ME3: variants seen among roughly 807,000 people sequenced by gnomAD.
ME3 encodes NADP-dependent malic enzyme, mitochondrial.
ME3 carries 48 observed loss-of-function variants against 68.9 expected under a neutral mutation model. The observed-to-expected ratio is 0.70, with a 90% CI of 0.55 to 0.89. The LOEUF (loss-of-function observed/expected upper bound fraction) is 0.89. ME3 is among the 40% of genes least tolerant of loss of function. The pLI, the probability that ME3 is intolerant of heterozygous loss-of-function variation, is 0.00. For missense variants in ME3, 675 were observed against 797.4 expected (o/e 0.85, Z 1.85); for synonymous variants, 320 against 318.8 (o/e 1.00, Z -0.04).
At chr11:86,457,896 T>A in intron 8 of ME3, 1 of 981,448 alleles carries the variant, frequency 1.0e-6, no homozygotes, top group Non-Finnish European at 1.3e-6. Flanking sequence ...TAGTTTCTGC[T>A]TTTAATAGTC....
chr11:86,537,505 G>T (rs1955757513), intron 4 of ME3, among the ~76,000 whole-genome samples: 1 of 152,080 alleles, frequency 6.6e-6, no homozygotes, highest in East Asian at 1.9e-4. Context: ...CCCTGCCCGT[G>T]GGGCAGGGAG....
At chr11:86,455,956 C>T (rs1949894736) in intron 8 of ME3, among the ~76,000 whole-genome samples, 1 of 152,212 alleles carries the variant, frequency 6.6e-6, no homozygotes, top group African/African-American at 2.4e-5. Flanking sequence ...CCCAAATCCC[C>T]TTTGTCCTTA....
In ME3 at chr11:86,447,222, C is replaced by T. The variant is rs1423501791; in HGVS notation, c.1238-15G>A. 6.2e-6 allele frequency: 10 copies of T among 1,612,550 alleles called. No homozygotes were observed. The highest frequency in any genetic ancestry group is 5.0e-5 in the Admixed American group (3 of 59,878). ...GGCAGCAACACCTACAGGGAAAAGG[C>T]GGGTAGTGGGGATGCCTGCTCTCTA... On this transcript the variant is annotated splice_polypyrimidine_tract_variant and intron_variant, in intron 11 of 14. Coordinates refer to ENST00000543262, the Ensembl canonical transcript of ME3.
chr11:86,581,025 G>A (rs1253647443), intron 2 of ME3, among the ~76,000 whole-genome samples: 2 of 152,132 alleles, frequency 1.3e-5, no homozygotes, highest in East Asian at 1.9e-4. Flanking sequence ...GAATGACAAA[G>A]TCTGGGAATT....
At chr11:86,554,431 G>A (rs1384237359) in intron 4 of ME3, among the ~76,000 whole-genome samples, 4 of 152,180 alleles carry the variant, frequency 2.6e-5, no homozygotes, top group Non-Finnish European at 4.4e-5. Context: ...GAAGTTAAAA[G>A]TGTTAGTTTG....
chr11:86,493,105 G>T (rs1343826774), intron 6 of ME3, among the ~76,000 whole-genome samples: 3 of 152,160 alleles, frequency 2.0e-5, no homozygotes, highest in Non-Finnish European at 4.4e-5. Context: ...GGCACCACAT[G>T]GTGAATGCTG....
chr11:86,555,339 CAT>C (rs1197667468), intron 4 of ME3, among the ~76,000 whole-genome samples: 1 of 152,136 alleles, frequency 6.6e-6, no homozygotes, highest in Non-Finnish European at 1.5e-5. Flanking sequence ...AGGGGAAGTA[CAT>C]AGAGTCCTGC....
At chr11:86,567,579 C>A (rs76853519) in intron 2 of ME3, among the ~76,000 whole-genome samples, 9,243 of 152,274 alleles carry the variant, frequency 0.061, 436 homozygotes, top group African/African-American at 0.13. Context: ...TGTGGCTTTT[C>A]AGAACAGTCC....
chr11:86,468,667 T>TA (rs1422185069), intron 7 of ME3, among the ~76,000 whole-genome samples: 2 of 152,158 alleles, frequency 1.3e-5, no homozygotes, highest in Admixed American at 6.5e-5. Context: ...GCTTAGTGGA[T>TA]AAAAAAATGT....
intron 2 of ME3, among the ~76,000 whole-genome samples, chr11:86,560,525 C>T (rs1013727571): frequency 6.6e-6 from 1 of 151,744 alleles, no homozygotes; most frequent in African/African-American, 2.4e-5. Flanking sequence ...AGTAGAGTTC[C>T]CATATACCCC....
chr11:86,561,408 C>T (rs1371573231), intron 2 of ME3, among the ~76,000 whole-genome samples: 2 of 152,112 alleles, frequency 1.3e-5, no homozygotes, highest in Non-Finnish European at 2.9e-5. Flanking sequence ...TATTTCTAGT[C>T]CCTGTCAGTT....
intron 5 of ME3, among the ~76,000 whole-genome samples, chr11:86,501,174 A>ATAT (rs1387263801): frequency 4.4e-5 from 1 of 22,504 alleles, no homozygotes; most frequent in African/African-American, 1.3e-4. Flanking sequence ...CATAAAATGC[A>ATAT]TATAATAATA....
intron 4 of ME3, among the ~76,000 whole-genome samples, chr11:86,517,816 C>A (rs1441012339): frequency 1.3e-5 from 2 of 152,248 alleles, no homozygotes; most frequent in East Asian, 3.9e-4. Flanking sequence ...GCACCAGGCA[C>A]ATGGCAGGTA....
chr11:86,458,821 G>T (rs1255685394), intron 8 of ME3, among the ~76,000 whole-genome samples: 4 of 152,150 alleles, frequency 2.6e-5, no homozygotes, highest in Non-Finnish European at 5.9e-5. Flanking sequence ...CAAACGAGCT[G>T]CACGGTCTTC....
intron 3 of ME3, among the ~76,000 whole-genome samples, chr11:86,557,981 T>C (rs1438005721): frequency 3.3e-5 from 5 of 152,076 alleles, no homozygotes; most frequent in Non-Finnish European, 7.4e-5. Flanking sequence ...TTTCTTAGCG[T>C]GTCCCCAAGC....
chr11:86,539,468 A>G (rs182117237), intron 4 of ME3, among the ~76,000 whole-genome samples: 1 of 152,328 alleles, frequency 6.6e-6, no homozygotes, highest in African/African-American at 2.4e-5. Flanking sequence ...TAAACTCCTC[A>G]AAAACAGAGA....
At position 86,449,963 on chromosome 11, in the gene ME3, C is replaced by G. The variant is rs201690381; in HGVS notation, c.1057G>C (p.Glu353Gln). The G allele has an allele frequency of 3.2e-5, 52 of 1,614,112 alleles. No individual in the cohort carries two copies. The South Asian group carries it at 4.0e-4, about 12-fold the overall frequency. The stretch of plus-strand genomic sequence containing the variant: ...TCTGCCTTCGGTACACCTTCTTTCT[C>G]TAGGGCCATGACAAGGAGGTGGGCA... Residue 353 changes from glutamate (E) to glutamine (Q), a missense_variant, in exon 10 of 15, where the codon GAG (glutamate) becomes CAG (glutamine). Physicochemically the swap from Glu to Gln is conservative, Grantham distance 29. Transcript: ENST00000543262.
intron 2 of ME3, among the ~76,000 whole-genome samples, chr11:86,644,927 G>C (rs935897687): frequency 3.9e-5 from 6 of 152,166 alleles, no homozygotes; most frequent in African/African-American, 1.4e-4. Flanking sequence ...GAAGCAGGGT[G>C]GGGCATCGCC....
chr11:86,562,952 T>A (rs1052266809), intron 2 of ME3, among the ~76,000 whole-genome samples: 1 of 152,114 alleles, frequency 6.6e-6, no homozygotes, highest in African/African-American at 2.4e-5. Flanking sequence ...ATTAATTCAC[T>A]AAGGATTATC....
Sources: gnomAD v4.1 joint callset for allele counts (sites outside exome capture counted in the v4.1 genomes callset) on GRCh38, gnomAD v4.1.1 for gene constraint, MANE v1.5 for transcripts, NCBI Gene and HGNC (gene_info 2026-07-23, HGNC 2026-07-21) for gene names.